PTPRT: variants seen among roughly 807,000 people sequenced by gnomAD.
PTPRT encodes the protein receptor-type tyrosine-protein phosphatase T.
In PTPRT, 56 loss-of-function variants were observed where a neutral mutation model predicts 176.8. The ratio of observed to expected loss-of-function variants is 0.32; its 90% confidence interval spans 0.26 to 0.40. The LOEUF (loss-of-function observed/expected upper bound fraction) is 0.40. Ranked by LOEUF, PTPRT falls within the 10% of genes least tolerant of loss-of-function variation. The pLI is 1.00. For synonymous variants in PTPRT, 783 were observed against 739.0 expected, an observed-to-expected ratio of 1.06 and a Z score of -0.96; for missense variants, 1,540 against 1,908.2, an observed-to-expected ratio of 0.81 and a Z score of 3.60.
chr20:42,345,966 A>G (rs1479730839), intron 11 of PTPRT, among the ~76,000 whole-genome samples: 1 of 152,200 alleles, frequency 6.6e-6, no homozygotes, highest in Non-Finnish European at 1.5e-5. Flanking sequence ...AAGAATTTTA[A>G]GCAGGAAAGT....
chr20:42,637,090 A>C (rs1296295560), intron 7 of PTPRT, among the ~76,000 whole-genome samples: 2 of 152,144 alleles, frequency 1.3e-5, no homozygotes, highest in Non-Finnish European at 2.9e-5. Context: ...AGGGTTTCCT[A>C]AGATTTAGAT....
At chr20:42,170,275 T>C (rs1440987096) in intron 16 of PTPRT, among the ~76,000 whole-genome samples, 1 of 152,250 alleles carries the variant, frequency 6.6e-6, no homozygotes, top group Non-Finnish European at 1.5e-5. Flanking sequence ...GATAATACAT[T>C]AACTTGCTGC....
chr20:42,906,166 C>T (rs488232), intron 1 of PTPRT, among the ~76,000 whole-genome samples: 8,946 of 152,178 alleles, frequency 0.059, 727 homozygotes, highest in African/African-American at 0.18. Context: ...AACCCACAAG[C>T]GTCTGGACAT....
intron 7 of PTPRT, among the ~76,000 whole-genome samples, chr20:42,489,011 TG>T (rs2071513004): frequency 3.2e-3 from 4 of 1,232 alleles, no homozygotes; most frequent in Admixed American, 0.011. Flanking sequence ...ACCAAGTTTG[TG>T]TGTGTGTGTG....
intron 15 of PTPRT, among the ~76,000 whole-genome samples, chr20:42,204,346 T>C (rs1214139847): frequency 6.6e-6 from 1 of 152,198 alleles, no homozygotes; most frequent in Non-Finnish European, 1.5e-5. Flanking sequence ...GGGATGATCA[T>C]ATAATTCATG....
At chr20:42,872,259 T>C (rs2078858126) in intron 2 of PTPRT, among the ~76,000 whole-genome samples, 1 of 152,212 alleles carries the variant, frequency 6.6e-6, no homozygotes. Context: ...CAGGAGGTCT[T>C]TTTAGAAAAG....
intron 1 of PTPRT, among the ~76,000 whole-genome samples, chr20:43,003,364 T>C (rs1195617456): frequency 6.6e-6 from 1 of 152,134 alleles, no homozygotes; most frequent in African/African-American, 2.4e-5. Context: ...TTTCTTTTAT[T>C]TTTTGTAGAG....
chr20:42,340,365 A>G (rs1424374011), intron 11 of PTPRT, among the ~76,000 whole-genome samples: 8 of 152,224 alleles, frequency 5.3e-5, no homozygotes, highest in Admixed American at 2.0e-4. Context: ...CTAAGTGGAA[A>G]TGCACTAAAT....
chr20:42,640,113 T>C (rs986919712), intron 7 of PTPRT, among the ~76,000 whole-genome samples: 13 of 152,166 alleles, frequency 8.5e-5, no homozygotes, highest in African/African-American at 3.1e-4. Flanking sequence ...CCTCTGTACC[T>C]GCCCTCACCA....
chr20:42,341,293 T>C (rs1021775283), intron 11 of PTPRT, among the ~76,000 whole-genome samples: 17 of 152,138 alleles, frequency 1.1e-4, no homozygotes, highest in African/African-American at 4.1e-4. Context: ...CTACACCAGA[T>C]GGTCCATTTT....
rs1029215071 is a variant in PTPRT at position 42,079,531 on chromosome 20, A to T, written c.*1348T>A. On this transcript the variant is annotated 3_prime_UTR_variant, in exon 31 of 31. Coordinates refer to ENST00000373187, the MANE Select transcript of PTPRT (RefSeq NM_007050.6). ...TTCTAAGGACTGTGTGAAATGTCCT[A>T]TGGAAAGTGCCAAGCATGATCCCTG... The T allele has an allele frequency of 4.5e-6, 1 of 222,422 alleles. No homozygotes were observed. The highest frequency in any genetic ancestry group is 9.0e-6 in the Non-Finnish European group (1 of 111,232). 13.8% of individuals were successfully genotyped at this position (222,422 alleles called of 1,614,324 possible). A position where few individuals can be genotyped will look rare whatever the true frequency, so the allele number is the denominator to read the frequency against.
chr20:42,712,310 G>A (rs2076156660), intron 6 of PTPRT, among the ~76,000 whole-genome samples: 1 of 152,248 alleles, frequency 6.6e-6, no homozygotes, highest in East Asian at 1.9e-4. Flanking sequence ...CAACTGGCTT[G>A]GCAGTGGGTA....
chr20:42,127,370 G>GTGTCTGTC (rs935852224), intron 19 of PTPRT, among the ~76,000 whole-genome samples: 2 of 151,968 alleles, frequency 1.3e-5, no homozygotes, highest in Non-Finnish European at 2.9e-5. Context: ...TCATCCTCCA[G>GTGTCTGTC]TGTCTGTCTG....
intron 21 of PTPRT, among the ~76,000 whole-genome samples, chr20:42,116,321 C>T (rs902299039): frequency 1.3e-5 from 2 of 152,148 alleles, no homozygotes; most frequent in Admixed American, 1.3e-4. Context: ...AACCGTGGAA[C>T]CCTCTTCTCA....
In PTPRT at chr20:42,883,756, ACACATG is replaced by A. The variant is rs1374364968; in HGVS notation, c.214+2045_214+2050del. ...CCCATACACTCTCACACATACCCAT[ACACATG>A]CACACACACCCTCCATAAACGCACA... On this transcript the variant is annotated intron_variant, in intron 2 of 30. Transcript: ENST00000373187. Among the ~76,000 whole-genome samples the A allele has an allele frequency of 5.3e-3, 3 of 566 alleles. No homozygotes were observed. In the East Asian group the frequency reaches 0.1, roughly 19 times the overall value. 0.4% of individuals were successfully genotyped at this position (566 alleles called of 152,430 possible).
At chr20:42,405,027 T>G (rs1425579572) in intron 9 of PTPRT, among the ~76,000 whole-genome samples, 1 of 121,292 alleles carries the variant, frequency 8.2e-6, no homozygotes, top group Non-Finnish European at 1.8e-5. Context: ...TATAGCACCA[T>G]TATGCACTAA....
chr20:42,764,953 G>A (rs1487962094), intron 5 of PTPRT, among the ~76,000 whole-genome samples: 1 of 152,178 alleles, frequency 6.6e-6, no homozygotes, highest in Non-Finnish European at 1.5e-5. Flanking sequence ...CAGCAGCCCT[G>A]CAGGAGCAAG....
intron 16 of PTPRT, among the ~76,000 whole-genome samples, chr20:42,185,851 C>G (rs1445512949): frequency 2.6e-5 from 4 of 152,094 alleles, no homozygotes; most frequent in African/African-American, 9.7e-5. Flanking sequence ...ATAAATGGTC[C>G]TTCCCTCTCG....
intron 9 of PTPRT, among the ~76,000 whole-genome samples, chr20:42,382,574 A>G (rs570066253): frequency 4.4e-4 from 67 of 152,306 alleles, no homozygotes; most frequent in Non-Finnish European, 8.2e-4. Flanking sequence ...GGAGAGTGTC[A>G]TGGAGATGGG....
Sources: allele counts gnomAD v4.1 joint callset (sites outside exome capture counted in the v4.1 genomes callset), GRCh38; gene constraint gnomAD v4.1.1; transcripts MANE v1.5; gene names NCBI Gene and HGNC (gene_info 2026-07-23, HGNC 2026-07-21).